The following MYO3A variants were observed in gnomAD, a reference collection of about 807,000 sequenced individuals.
MYO3A encodes the protein myosin IIIA, also known as myosin-IIIa.
In MYO3A, 180 loss-of-function variants were observed where a neutral mutation model predicts 192.7. The observed-to-expected ratio is 0.93, with a 90% CI of 0.83 to 1.06. MYO3A has a LOEUF of 1.06. MYO3A is among the 50% of genes least tolerant of loss of function. The pLI is 0.00. For missense variants in MYO3A, 1,896 were observed against 1,905.0 expected, an observed-to-expected ratio of 1.00 and a Z score of 0.09; for synonymous variants, 628 against 645.3, an observed-to-expected ratio of 0.97 and a Z score of 0.41.
chr10:25,994,415 A>G (rs1162091529), intron 4 of MYO3A, among the ~76,000 whole-genome samples: 2 of 152,182 alleles, frequency 1.3e-5, no homozygotes, highest in Non-Finnish European at 2.9e-5. Flanking sequence ...GTCTCTGCAC[A>G]TGAGATGGGT....
intron 7 of MYO3A, among the ~76,000 whole-genome samples, chr10:26,019,446 G>C (rs574955452): frequency 2.4e-4 from 36 of 151,810 alleles, no homozygotes; most frequent in African/African-American, 8.4e-4. Context: ...TTTTAGTAGA[G>C]ACTGGAACTA....
In MYO3A at chr10:26,120,740, C is replaced by A; in HGVS notation, c.1841C>A (p.Ser614Tyr). ...ILNVGNIEFS[S>Y]VATEHQIDKS... Reference sequence around the variant, plus strand: ...AATGTTGGCAACATTGAATTTTCTTCTGTGGCAACTGAACACCAGATTGAC... The same window carrying A: ...AATGTTGGCAACATTGAATTTTCTTATGTGGCAACTGAACACCAGATTGAC... Residue 614 changes from serine to tyrosine, a missense_variant, in exon 18 of 35, where the codon TCT becomes TAT. Physicochemically the swap from Ser to Tyr is moderately radical, Grantham distance 144. Transcript: ENST00000642920. 6.2e-7 allele frequency: 1 copy of A among 1,614,058 alleles called. No individual in the cohort carries two copies. Among genetic ancestry groups the A allele is most frequent in the South Asian group, 1.1e-5 (1 of 91,076 alleles).
intron 28 of MYO3A, among the ~76,000 whole-genome samples, chr10:26,169,238 T>A (rs918595472): frequency 1.3e-5 from 2 of 152,148 alleles, no homozygotes; most frequent in Non-Finnish European, 2.9e-5. Flanking sequence ...TTGCCATAAT[T>A]TTTGACAACT....
At chr10:26,095,404 A>G (rs1304103419) in intron 15 of MYO3A, among the ~76,000 whole-genome samples, 1 of 152,182 alleles carries the variant, frequency 6.6e-6, no homozygotes, top group African/African-American at 2.4e-5. Context: ...AGGAGATCCT[A>G]GTGGGAGGAC....
intron 10 of MYO3A, among the ~76,000 whole-genome samples, chr10:26,061,612 T>A (rs1834484816): frequency 6.6e-6 from 1 of 152,100 alleles, no homozygotes; most frequent in African/African-American, 2.4e-5. Context: ...ATGAAATCCA[T>A]GCCAAGAAAG....
At chr10:26,129,553 T>C (rs1564577537) in intron 20 of MYO3A, among the ~76,000 whole-genome samples, 2 of 152,202 alleles carry the variant, frequency 1.3e-5, no homozygotes, top group African/African-American at 2.4e-5. Context: ...CTCTGTAGCA[T>C]GGTCCTCTCT....
intron 10 of MYO3A, among the ~76,000 whole-genome samples, chr10:26,052,658 T>C (rs1844071367): frequency 6.6e-6 from 1 of 152,238 alleles, no homozygotes; most frequent in Admixed American, 6.5e-5. Context: ...CTTGGATTTA[T>C]GTTTAACAAA....
At chr10:26,099,335 A>G (rs1304957511) in intron 17 of MYO3A, among the ~76,000 whole-genome samples, 2 of 152,240 alleles carry the variant, frequency 1.3e-5, no homozygotes, top group Admixed American at 6.5e-5. Flanking sequence ...TTTTCTAAAT[A>G]TACAGTCATG....
At chr10:26,202,830 C>T in intron 33 of MYO3A, 134 bp from the exon 34 acceptor site, 1 of 1,003,070 alleles carries the variant, frequency 1.0e-6, no homozygotes, top group African/African-American at 1.6e-5. Context: ...ATTTCAAGAC[C>T]TTCCATTTCT....
intron 10 of MYO3A, among the ~76,000 whole-genome samples, chr10:26,050,615 C>A (rs1843935570): frequency 6.6e-6 from 1 of 152,164 alleles, no homozygotes; most frequent in Non-Finnish European, 1.5e-5. Context: ...TGGAGAATAA[C>A]CATCAAATAG....
intron 20 of MYO3A, among the ~76,000 whole-genome samples, chr10:26,131,087 A>C (rs1403293076): frequency 2.6e-5 from 4 of 152,224 alleles, no homozygotes; most frequent in Non-Finnish European, 5.9e-5. Context: ...AGATCTCGGC[A>C]CAAGTCTTGG....
intron 26 of MYO3A, among the ~76,000 whole-genome samples, chr10:26,160,368 G>A (rs1222584267): frequency 1.3e-5 from 2 of 152,202 alleles, no homozygotes; most frequent in African/African-American, 4.8e-5. Context: ...GCATCTCCAG[G>A]AAGGCTGATG....
chr10:26,185,421 C>T (rs530275653), intron 31 of MYO3A, among the ~76,000 whole-genome samples: 4 of 142,306 alleles, frequency 2.8e-5, no homozygotes, highest in African/African-American at 1.1e-4. Context: ...GTCACTGCAA[C>T]CTCTGCCCCC....
chr10:26,209,597 C>G (rs554336661), intron 34 of MYO3A, among the ~76,000 whole-genome samples: 1 of 152,314 alleles, frequency 6.6e-6, no homozygotes, highest in South Asian at 2.1e-4. Context: ...TGATTTAACA[C>G]CTATGTTACT....
chr10:25,974,699 C>T (rs934141154), intron 4 of MYO3A, among the ~76,000 whole-genome samples: 7 of 152,290 alleles, frequency 4.6e-5, no homozygotes, highest in South Asian at 2.1e-4. Flanking sequence ...AATGTTTCTT[C>T]GCTGACTGTA....
At chr10:26,006,522 G>C (rs1383252394) in intron 6 of MYO3A, among the ~76,000 whole-genome samples, 1 of 152,042 alleles carries the variant, frequency 6.6e-6, no homozygotes, top group Non-Finnish European at 1.5e-5. Context: ...GAATCAAATA[G>C]ATGCAATAAA....
At chr10:26,142,527 A>G (rs1196242211) in intron 20 of MYO3A, among the ~76,000 whole-genome samples, 1 of 152,206 alleles carries the variant, frequency 6.6e-6, no homozygotes, top group African/African-American at 2.4e-5. Flanking sequence ...CTTATATTAC[A>G]CTATACTCAA....
intron 31 of MYO3A, among the ~76,000 whole-genome samples, chr10:26,192,480 G>C (rs1169087410): frequency 6.6e-6 from 1 of 152,092 alleles, no homozygotes; most frequent in Admixed American, 6.6e-5. Flanking sequence ...AAGGGGGAGG[G>C]AAGGGACAGA....
intron 17 of MYO3A, among the ~76,000 whole-genome samples, chr10:26,098,999 G>A (rs553187488): frequency 1.3e-3 from 195 of 152,228 alleles, no homozygotes; most frequent in African/African-American, 4.5e-3. Flanking sequence ...AAATTACCTT[G>A]AGCAATATGG....
Sources: gnomAD v4.1 joint callset for allele counts (sites outside exome capture counted in the v4.1 genomes callset) on GRCh38, gnomAD v4.1.1 for gene constraint, MANE v1.5 for transcripts, NCBI Gene and HGNC (gene_info 2026-07-23, HGNC 2026-07-21) for gene names.